Variants in SLX4IP observed in about 807,000 individuals in gnomAD.
SLX4IP encodes the protein SLX4 interacting protein, also known as protein SLX4IP.
In SLX4IP, 34 loss-of-function variants were observed where a neutral mutation model predicts 32.9. That is an observed-to-expected ratio of 1.03 (90% CI 0.79 to 1.38). The LOEUF (loss-of-function observed/expected upper bound fraction) is 1.38. SLX4IP is among the 40% of genes most tolerant of loss of function. The probability of loss-of-function intolerance (pLI) is 0.00; values close to 1 mark genes in which losing one functional copy is unlikely to be tolerated. For synonymous variants in SLX4IP, 172 were observed against 171.7 expected, an observed-to-expected ratio of 1.00 and a Z score of -0.01; for missense variants, 444 against 479.0, an observed-to-expected ratio of 0.93 and a Z score of 0.68.
rs147278748 is a variant in SLX4IP at position 10,509,554 on chromosome 20, G to C, written c.28-46677G>C. On this transcript the variant is annotated intron_variant, in intron 2 of 7. Coordinates refer to ENST00000334534, the MANE Select transcript of SLX4IP (RefSeq NM_001009608.3). ...TAGGATATCGCCTTGATACAGACCA[G>C]ATTCTCTTCCTGTTAAAGAAAAGTA... 1.1e-3 allele frequency among the ~76,000 whole-genome samples: 163 copies of C among 152,298 alleles called. 1 individual carries two copies. Among genetic ancestry groups the C allele is most frequent in the African/African-American group, 3.7e-3 (154 of 41,572 alleles).
chr20:10,459,696 G>T (rs758562803), intron 2 of SLX4IP, among the ~76,000 whole-genome samples: 2 of 152,166 alleles, frequency 1.3e-5, no homozygotes, highest in East Asian at 3.9e-4. Context: ...TTGCCTGGTT[G>T]CCCTCTTTCA....
At chr20:10,476,704 G>A (rs2065477703) in intron 2 of SLX4IP, among the ~76,000 whole-genome samples, 1 of 152,114 alleles carries the variant, frequency 6.6e-6, no homozygotes, top group South Asian at 2.1e-4. Flanking sequence ...ATCCAGAGAA[G>A]GGTGCTTTCT....
intron 2 of SLX4IP, among the ~76,000 whole-genome samples, chr20:10,513,975 T>C (rs1421862815): frequency 6.6e-6 from 1 of 152,226 alleles, no homozygotes; most frequent in Non-Finnish European, 1.5e-5. Context: ...TTGCCTTCTT[T>C]AGATAAACCT....
chr20:10,481,498 T>C (rs2065520640), intron 2 of SLX4IP, among the ~76,000 whole-genome samples: 1 of 152,246 alleles, frequency 6.6e-6, no homozygotes, highest in Admixed American at 6.5e-5. Flanking sequence ...GTTTATTTTA[T>C]TATTTTAAAA....
chr20:10,450,033 C>T (rs1466866549), intron 1 of SLX4IP, among the ~76,000 whole-genome samples: 2 of 152,052 alleles, frequency 1.3e-5, no homozygotes, highest in Admixed American at 6.5e-5. Flanking sequence ...TATTAGCCAT[C>T]ACAGTAACCT....
In SLX4IP at chr20:10,567,228, G is replaced by C. The variant is rs138290557; in HGVS notation, c.238+6408G>C. ...TGTCACCTTGTCTTACTCATTATAA[G>C]AACCTCTCCTGAATGGGGCTTGCTG... On this transcript the variant is annotated intron_variant, in intron 4 of 7. Coordinates refer to ENST00000334534, the MANE Select transcript of SLX4IP (RefSeq NM_001009608.3). Among the ~76,000 whole-genome samples, 1,416 of 152,254 alleles carry C rather than the reference G, an allele frequency of 9.3e-3. 26 individuals are homozygous for C. Among genetic ancestry groups the C allele is most frequent in the African/African-American group, 0.032 (1,338 of 41,544 alleles).
intron 2 of SLX4IP, among the ~76,000 whole-genome samples, chr20:10,518,882 T>C (rs540172374): frequency 6.6e-6 from 1 of 152,236 alleles, no homozygotes; most frequent in Non-Finnish European, 1.5e-5. Context: ...GGGGCTTTTC[T>C]AAGGAAGGCA....
chr20:10,451,771 A>G (rs2065244425), intron 1 of SLX4IP, among the ~76,000 whole-genome samples: 1 of 151,486 alleles, frequency 6.6e-6, no homozygotes, highest in Non-Finnish European at 1.5e-5. Flanking sequence ...GTTCGAGAAC[A>G]GCTTGGCCAA....
chr20:10,463,636 T>G (rs1311655071), intron 2 of SLX4IP, among the ~76,000 whole-genome samples: 1 of 152,218 alleles, frequency 6.6e-6, no homozygotes, highest in African/African-American at 2.4e-5. Context: ...GAGATTTTTT[T>G]AGGCCTGTCA....
chr20:10,554,392 G>T (rs1273019641), intron 2 of SLX4IP, among the ~76,000 whole-genome samples: 2 of 152,164 alleles, frequency 1.3e-5, no homozygotes, highest in Non-Finnish European at 2.9e-5. Context: ...AAACTTCCAT[G>T]AATATTTGCA....
At chr20:10,489,377 C>T (rs2065601239) in intron 2 of SLX4IP, among the ~76,000 whole-genome samples, 1 of 152,180 alleles carries the variant, frequency 6.6e-6, no homozygotes, top group South Asian at 2.1e-4. Flanking sequence ...CCACAAGATA[C>T]ATTTTAAATA....
At chr20:10,490,492 A>G (rs1223031303) in intron 2 of SLX4IP, among the ~76,000 whole-genome samples, 1 of 152,176 alleles carries the variant, frequency 6.6e-6, no homozygotes, top group Non-Finnish European at 1.5e-5. Context: ...TAAGATTCAC[A>G]GTCTCATAGA....
intron 1 of SLX4IP, among the ~76,000 whole-genome samples, chr20:10,445,273 C>T (rs1302044395): frequency 6.6e-6 from 1 of 151,698 alleles, no homozygotes; most frequent in Non-Finnish European, 1.5e-5. Context: ...GACCACCTCT[C>T]CCCATTTTTC....
At position 10,502,911 on chromosome 20, in the gene SLX4IP, G is replaced by T. The variant is rs568458561; in HGVS notation, c.27+44680G>T. The stretch of plus-strand genomic sequence containing the variant: ...AATAGGTGCTCAGTAAATATTTAGA[G>T]AATTTGCCAGTAGTATGTTCTAGTA... On this transcript the variant is annotated intron_variant, in intron 2 of 7. Transcript: ENST00000334534. Among the ~76,000 whole-genome samples, 4 of 152,268 alleles carry T rather than the reference G, an allele frequency of 2.6e-5. No individual in the cohort carries two copies. In the East Asian group the frequency reaches 7.7e-4, roughly 29 times the overall value.
rs2067184664 is a variant in SLX4IP at position 10,627,333 on chromosome 20, A to G, written c.*3954A>G. 2 of 152,228 alleles carry G rather than the reference A, an allele frequency of 1.3e-5. No homozygotes were observed. The highest frequency in any genetic ancestry group is 4.1e-4 in the South Asian group (2 of 4,832). The allele number at this position is 152,228 out of a possible 1,614,324, so 9.4% of individuals were successfully genotyped here. ...TAATGAACTGAAACACGTTGAAGCAAGTAAAAAATCAAAATTAGGTTGGTT... is the reference window on the plus strand; with the variant it reads ...TAATGAACTGAAACACGTTGAAGCAGGTAAAAAATCAAAATTAGGTTGGTT... On this transcript the variant is annotated 3_prime_UTR_variant, in exon 8 of 8. Transcript: ENST00000334534.
chr20:10,454,106 G>A (rs1266152009), intron 1 of SLX4IP, among the ~76,000 whole-genome samples: 1 of 152,014 alleles, frequency 6.6e-6, no homozygotes, highest in Non-Finnish European at 1.5e-5. Context: ...CAGCCAAATA[G>A]GTTTTTTTCT....
At position 10,456,146 on chromosome 20, in the gene SLX4IP, A is replaced by G. The variant is rs139078469; in HGVS notation, c.-29-2030A>G. Among the ~76,000 whole-genome samples, 460 of 152,308 alleles carry G rather than the reference A, an allele frequency of 3.0e-3. 6 individuals carry two copies. The highest frequency in any genetic ancestry group is 4.5e-3 in the Non-Finnish European group (305 of 68,028). On this transcript the variant is annotated intron_variant, in intron 1 of 7. Coordinates refer to ENST00000334534, the MANE Select transcript of SLX4IP (RefSeq NM_001009608.3). ...TATCTGTATAAGGTATATATGAAAC[A>G]TAAGTGAATTTTGTGTTTAGATTTG...
chr20:10,623,499 G>A lies in SLX4IP; in HGVS notation c.*120G>A. 7.2e-7 allele frequency: 1 copy of A among 1,384,746 alleles called. No individual in the cohort carries two copies. Among genetic ancestry groups the A allele is most frequent in the Non-Finnish European group, 9.6e-7 (1 of 1,038,618 alleles). 85.8% of individuals were successfully genotyped at this position (1,384,746 alleles called of 1,614,324 possible). A position where few individuals can be genotyped will look rare whatever the true frequency, so the allele number is the denominator to read the frequency against. On this transcript the variant is annotated 3_prime_UTR_variant, in exon 8 of 8. Coordinates refer to ENST00000334534, the MANE Select transcript of SLX4IP (RefSeq NM_001009608.3). ...TAATTAGAATGACTAATTTAAATAG[G>A]AAGTGTGTTATCTGTGTTATGGCTA...
At chr20:10,480,235 A>T (rs2122379478) in intron 2 of SLX4IP, among the ~76,000 whole-genome samples, 1 of 152,246 alleles carries the variant, frequency 6.6e-6, no homozygotes, top group African/African-American at 2.4e-5. Flanking sequence ...TCTACAAAAA[A>T]ATACAAAATA....
Sources: gnomAD v4.1 joint callset for allele counts (sites outside exome capture counted in the v4.1 genomes callset) on GRCh38, gnomAD v4.1.1 for gene constraint, MANE v1.5 for transcripts, NCBI Gene and HGNC (gene_info 2026-07-23, HGNC 2026-07-21) for gene names.